PCGF5: variants seen among roughly 807,000 people sequenced by gnomAD.
The protein encoded by PCGF5 is polycomb group RING finger protein 5.
A neutral mutation model predicts 44.3 loss-of-function variants in PCGF5; 9 were observed. The ratio of observed to expected loss-of-function variants is 0.20; its 90% CI spans 0.12 to 0.35. The LOEUF is 0.35. Ranked by LOEUF, PCGF5 falls within the 10% of genes least tolerant of loss-of-function variation. The probability of loss-of-function intolerance (pLI) is 1.00; values close to 1 mark genes in which losing one functional copy is unlikely to be tolerated. For synonymous variants in PCGF5, 95 were observed against 102.5 expected, an observed-to-expected ratio of 0.93 and a Z score of 0.44; for missense variants, 146 against 305.3, an observed-to-expected ratio of 0.48 and a Z score of 3.89.
upstream of PCGF5, among the ~76,000 whole-genome samples, chr10:91,217,344 T>C (rs561148714): frequency 6.6e-6 from 1 of 152,248 alleles, no homozygotes; most frequent in Non-Finnish European, 1.5e-5. Context: ...AAAATTCACC[T>C]TATTTAATAT....
chr10:91,205,363 G>A (rs771080119), intron 1 of PCGF5, among the ~76,000 whole-genome samples: 4 of 151,944 alleles, frequency 2.6e-5, no homozygotes, highest in Non-Finnish European at 5.9e-5. Flanking sequence ...GGTCAGACGT[G>A]GCACTCTAAA....
chr10:91,253,615 A>T (rs139696985), intron 6 of PCGF5, among the ~76,000 whole-genome samples: 3 of 152,124 alleles, frequency 2.0e-5, no homozygotes, highest in African/African-American at 7.2e-5. Context: ...GTCATCTTTG[A>T]TCTGTTACTC....
chr10:91,252,978 C>T (rs1009121669), intron 6 of PCGF5, among the ~76,000 whole-genome samples: 6 of 151,956 alleles, frequency 3.9e-5, no homozygotes, highest in South Asian at 2.1e-4. Flanking sequence ...TTTCTTCATC[C>T]TTGTACCTTC....
At chr10:91,216,086 A>G (rs1309682632), upstream of PCGF5, among the ~76,000 whole-genome samples, 1 of 152,246 alleles carries the variant, frequency 6.6e-6, no homozygotes, top group Non-Finnish European at 1.5e-5. Context: ...GGGGATATGC[A>G]TAGCCAAGCA....
rs568211243 is a variant in PCGF5 at position 91,196,103 on chromosome 10, G to T, written c.-183-26586G>T. Among the ~76,000 whole-genome samples, 5 of 151,980 alleles carry T rather than the reference G, an allele frequency of 3.3e-5. No individual in the cohort carries two copies. In the South Asian group the frequency reaches 8.3e-4, roughly 25 times the overall value. ...AAGTCTATCATGGGACTGCACATTT[G>T]TCAGAATGGCTCACTGGTTTCCTAC... is the stretch of plus-strand genomic sequence containing the variant. On this transcript the variant is annotated intron_variant, in intron 1 of 9. Transcript: ENST00000614189.
chr10:91,227,641 A>G (rs1844882862), intron 2 of PCGF5: 1 of 1,129,268 alleles, frequency 8.9e-7, no homozygotes, highest in Admixed American at 4.4e-5. Context: ...AATTAAAAAC[A>G]GCTTACTGTC....
intron 3 of PCGF5, among the ~76,000 whole-genome samples, chr10:91,246,980 TAGATAGA>T (rs1845480847): frequency 7.5e-6 from 1 of 133,132 alleles, no homozygotes; most frequent in South Asian, 2.3e-4. Context: ...GATAGATAGA[TAGATAGA>T]TAGATAGATA....
intron 1 of PCGF5, among the ~76,000 whole-genome samples, chr10:91,191,923 T>C (rs1423831891): frequency 6.6e-6 from 1 of 152,238 alleles, no homozygotes; most frequent in African/African-American, 2.4e-5. Context: ...TTTCACTCTC[T>C]CTCCTGTAGT....
chr10:91,249,758 A>G (rs1243839990), intron 5 of PCGF5, among the ~76,000 whole-genome samples: 2 of 151,688 alleles, frequency 1.3e-5, no homozygotes, highest in Non-Finnish European at 2.9e-5. Flanking sequence ...TAAGGTAACA[A>G]GAGACTATTT....
At chr10:91,229,918 A>G (rs1844954086) in intron 2 of PCGF5, among the ~76,000 whole-genome samples, 1 of 152,198 alleles carries the variant, frequency 6.6e-6, no homozygotes, top group Non-Finnish European at 1.5e-5. Flanking sequence ...CATATTTCAA[A>G]CAGTATTTTG....
intron 6 of PCGF5, among the ~76,000 whole-genome samples, chr10:91,259,241 C>G (rs1483575278): frequency 1.3e-5 from 2 of 152,146 alleles, no homozygotes; most frequent in Non-Finnish European, 2.9e-5. Context: ...CTGGCACAGC[C>G]TATCAGACAC....
At chr10:91,260,301 C>A (rs984152899) in intron 6 of PCGF5, among the ~76,000 whole-genome samples, 1 of 152,112 alleles carries the variant, frequency 6.6e-6, no homozygotes, top group African/African-American at 2.4e-5. Context: ...ATTAAAAAGT[C>A]AGGAAACAAC....
chr10:91,259,929 C>A, intron 6 of PCGF5, among the ~76,000 whole-genome samples: 1 of 151,786 alleles, frequency 6.6e-6, no homozygotes, highest in South Asian at 2.1e-4. Flanking sequence ...TCTAAAACAC[C>A]AAAAGCAATG....
At chr10:91,217,541 A>G (rs1466055691), upstream of PCGF5, among the ~76,000 whole-genome samples, 1 of 152,206 alleles carries the variant, frequency 6.6e-6, no homozygotes, top group Non-Finnish European at 1.5e-5. Flanking sequence ...TAATGAAAAC[A>G]TTTGTTAGGT....
chr10:91,195,477 T>TATATATGCATGC (rs761592039), intron 1 of PCGF5, among the ~76,000 whole-genome samples: 7 of 110,898 alleles, frequency 6.3e-5, no homozygotes, highest in East Asian at 7.2e-4. Flanking sequence ...CATGCATATA[T>TATATATGCATGC]ATATATATAG....
Position 91,258,968 on chromosome 10 carries a change from C to T in PCGF5, c.475-2358C>T, listed in dbSNP as rs1042226660. Among the ~76,000 whole-genome samples the T allele has an allele frequency of 2.0e-5, 3 of 152,054 alleles. No homozygotes were observed. The East Asian group carries it at 5.8e-4, about 29-fold the overall frequency. Reference sequence around the variant, plus strand: ...CTATACATACAAATAGGAGTAATATCTTTAAAAGATTCTATTGTTGTTTTG... The same window carrying T: ...CTATACATACAAATAGGAGTAATATTTTTAAAAGATTCTATTGTTGTTTTG... On this transcript the variant is annotated intron_variant, in intron 6 of 9. Transcript: ENST00000336126.
chr10:91,266,733 C>T (rs561700074), intron 8 of PCGF5, among the ~76,000 whole-genome samples: 148 of 152,298 alleles, frequency 9.7e-4, no homozygotes, highest in African/African-American at 3.5e-3. Flanking sequence ...TTTCCAGTTG[C>T]TCAGACCAAA....
chr10:91,257,330 A>G (rs1845780398), intron 6 of PCGF5, among the ~76,000 whole-genome samples: 1 of 152,112 alleles, frequency 6.6e-6, no homozygotes, highest in Admixed American at 6.6e-5. Context: ...AATGTGGACA[A>G]ATTGAAACCT....
At chr10:91,217,335 A>G (rs1844562453), upstream of PCGF5, among the ~76,000 whole-genome samples, 1 of 152,224 alleles carries the variant, frequency 6.6e-6, no homozygotes, top group African/African-American at 2.4e-5. Context: ...CCCAGCTGAA[A>G]AATTCACCTT....
Sources: allele counts gnomAD v4.1 joint callset (sites outside exome capture counted in the v4.1 genomes callset), GRCh38; gene constraint gnomAD v4.1.1; transcripts MANE v1.5; gene names NCBI Gene and HGNC (gene_info 2026-07-23, HGNC 2026-07-21).